The following FRAS1 variants were observed in gnomAD, a reference collection of about 807,000 sequenced individuals.
FRAS1 encodes extracellular matrix organizing protein FRAS1.
A neutral mutation model predicts 435.2 loss-of-function variants in FRAS1; 290 were observed. The observed-to-expected ratio is 0.67, with a 90% confidence interval of 0.61 to 0.73. FRAS1 has a LOEUF of 0.73. Ranked by LOEUF, FRAS1 falls within the 30% of genes least tolerant of loss-of-function variation. The pLI is 0.00. For missense variants in FRAS1, 4,860 were observed against 5,001.5 expected, an observed-to-expected ratio of 0.97 and a Z score of 0.85; for synonymous variants, 1,800 against 1,851.0, an observed-to-expected ratio of 0.97 and a Z score of 0.71.
chr4:78,487,512 T>G (rs1404229544), intron 58 of FRAS1, among the ~76,000 whole-genome samples: 1 of 152,142 alleles, frequency 6.6e-6, no homozygotes, highest in African/African-American at 2.4e-5. Context: ...ACCCAAAGAC[T>G]AATTCTGACC....
intron 9 of FRAS1, among the ~76,000 whole-genome samples, chr4:78,278,113 T>G (rs1052794120): frequency 2.0e-5 from 3 of 152,218 alleles, no homozygotes; most frequent in Admixed American, 6.5e-5. Flanking sequence ...TCTTATTATT[T>G]TAAGAATAGT....
At chr4:78,179,267 C>T (rs1553927060) in intron 2 of FRAS1, among the ~76,000 whole-genome samples, 1 of 152,190 alleles carries the variant, frequency 6.6e-6, no homozygotes, top group Non-Finnish European at 1.5e-5. Context: ...CCTGTTGGAT[C>T]ATTTACATTT....
At chr4:78,344,382 G>A (rs10015470) in intron 20 of FRAS1, among the ~76,000 whole-genome samples, 25,839 of 151,806 alleles carry the variant, frequency 0.17, 2,885 homozygotes, top group African/African-American at 0.32. Context: ...CATGTAAGGA[G>A]ACTGAAACTG....
In FRAS1 at chr4:78,317,365, C is replaced by G; in HGVS notation, c.1820-3C>G. Reference sequence around the variant, plus strand: ...GCGTTCTCCCTCTCACTCTCTTCCTCAGTTTGTCATAACTCATGTGCCAGC... The same window carrying G: ...GCGTTCTCCCTCTCACTCTCTTCCTGAGTTTGTCATAACTCATGTGCCAGC... On this transcript the variant is annotated splice_region_variant and splice_polypyrimidine_tract_variant and intron_variant, in intron 16 of 73. Coordinates refer to ENST00000512123, the MANE Select transcript of FRAS1 (RefSeq NM_025074.7). 6.2e-7 allele frequency: 1 copy of G among 1,613,802 alleles called. No homozygotes were observed. Among genetic ancestry groups the G allele is most frequent in the Non-Finnish European group, 8.5e-7 (1 of 1,179,800 alleles).
chr4:78,482,112 T>A (rs1720029795), intron 57 of FRAS1, 148 bp downstream of exon 57: 8 of 891,852 alleles, frequency 9.0e-6, no homozygotes, highest in Middle Eastern at 3.3e-4. Flanking sequence ...ACAAGAGAGT[T>A]AACTTAGGAG....
At chr4:78,081,522 C>A (rs140305805) in intron 2 of FRAS1, among the ~76,000 whole-genome samples, 67 of 152,118 alleles carry the variant, frequency 4.4e-4, no homozygotes, top group African/African-American at 1.6e-3. Context: ...CCTCTCAGAG[C>A]CATTGTTTAC....
At chr4:78,315,799 G>A (rs2110232670) in intron 16 of FRAS1, 65 bp downstream of exon 16, 1 of 1,566,122 alleles carries the variant, frequency 6.4e-7, no homozygotes, top group Non-Finnish European at 8.8e-7. Context: ...TATACTTGGT[G>A]TTATATGTTG....
At chr4:78,448,409 G>T (rs564188620) in intron 44 of FRAS1, 93 bp downstream of exon 44, 2 of 1,229,608 alleles carry the variant, frequency 1.6e-6, no homozygotes, top group South Asian at 3.4e-5. Flanking sequence ...TTAGTGATGT[G>T]GGTGCATCTT....
chr4:78,286,591 C>A, intron 14 of FRAS1, 52 bp downstream of exon 14: 1 of 1,582,940 alleles, frequency 6.3e-7, no homozygotes, highest in East Asian at 2.3e-5. Flanking sequence ...AGCTCCCCAA[C>A]CCTGACCCCA....
At position 78,265,071 on chromosome 4, in the gene FRAS1, C is replaced by G; in HGVS notation, c.650C>G (p.Ser217Cys). 6 of 1,613,410 alleles carry G rather than the reference C, an allele frequency of 3.7e-6. No homozygotes were observed. The highest frequency in any genetic ancestry group is 5.1e-6 in the Non-Finnish European group (6 of 1,179,578). ...CCTGGAAAATGTTGCCCGCAGTGCT[C>G]TGCAAGATCCTGCTCTGCAGCTGGC... ...RVPGKCCPQC[S>C]ARSCSAAGQV... is the part of the protein sequence containing the mutation. Residue 217 changes from serine (S) to cysteine (C), a missense_variant, in exon 7 of 74, where the codon TCT becomes TGT. Coordinates refer to ENST00000512123, the MANE Select transcript of FRAS1 (RefSeq NM_025074.7).
intron 17 of FRAS1, 94 bp from the exon 18 acceptor site, chr4:78,318,716 T>C: frequency 8.4e-7 from 1 of 1,190,924 alleles, no homozygotes; most frequent in Middle Eastern, 2.0e-4. Flanking sequence ...AGGCTGCATT[T>C]GGTGAACTTT....
intron 2 of FRAS1, among the ~76,000 whole-genome samples, chr4:78,083,527 A>G (rs7677432): frequency 2.0e-5 from 3 of 151,810 alleles, no homozygotes; most frequent in African/African-American, 7.3e-5. Flanking sequence ...ACGCATGGAA[A>G]TAAAAAGCCT....
At chr4:78,221,124 C>T (rs758199887) in intron 2 of FRAS1, among the ~76,000 whole-genome samples, 10 of 152,122 alleles carry the variant, frequency 6.6e-5, no homozygotes, top group Non-Finnish European at 8.8e-5. Flanking sequence ...GCTGAGATCA[C>T]GCCACTGCAC....
intron 6 of FRAS1, among the ~76,000 whole-genome samples, chr4:78,258,656 AT>A (rs1229980573): frequency 4.8e-5 from 6 of 124,328 alleles, no homozygotes; most frequent in Admixed American, 3.1e-4. Flanking sequence ...TTAAATTTTT[AT>A]TTTTTTCATC....
intron 2 of FRAS1, among the ~76,000 whole-genome samples, chr4:78,187,420 T>C (rs1722319660): frequency 6.6e-6 from 1 of 152,108 alleles, no homozygotes; most frequent in Admixed American, 6.5e-5. Context: ...GTAGAAGTTA[T>C]TCCTCAAACT....
chr4:78,190,011 T>A (rs1722461863), intron 2 of FRAS1, among the ~76,000 whole-genome samples: 1 of 152,220 alleles, frequency 6.6e-6, no homozygotes, highest in African/African-American at 2.4e-5. Flanking sequence ...GTTCTGTTGT[T>A]TCTACTGTTG....
chr4:78,497,065 C>A, intron 60 of FRAS1, 104 bp downstream of exon 60: 1 of 848,850 alleles, frequency 1.2e-6, no homozygotes. Context: ...TTAAGAATGC[C>A]TACTGATAAC....
intron 41 of FRAS1, 139 bp downstream of exon 41, chr4:78,441,436 A>G (rs1734654883): frequency 2.4e-6 from 2 of 848,326 alleles, no homozygotes; most frequent in African/African-American, 1.7e-5. Flanking sequence ...GAAGGTAGGA[A>G]GGTTTCATTC....
At chr4:78,167,133 G>A (rs1721363775) in intron 2 of FRAS1, among the ~76,000 whole-genome samples, 1 of 152,148 alleles carries the variant, frequency 6.6e-6, no homozygotes, top group African/African-American at 2.4e-5. Flanking sequence ...GAAAAATCAA[G>A]GTAGGAGAGC....
Sources: allele counts gnomAD v4.1 joint callset (sites outside exome capture counted in the v4.1 genomes callset), GRCh38; gene constraint gnomAD v4.1.1; transcripts MANE v1.5; gene names NCBI Gene and HGNC (gene_info 2026-07-23, HGNC 2026-07-21).